FAT3: variants seen among roughly 807,000 people sequenced by gnomAD.
FAT3 encodes protocadherin Fat 3.
FAT3 carries 95 observed loss-of-function variants against 310.2 expected under a neutral mutation model. The observed-to-expected ratio is 0.31, with a 90% CI of 0.26 to 0.36. The LOEUF is 0.36. FAT3 is among the 10% of genes least tolerant of loss of function. FAT3 has a pLI of 1.00. For missense variants in FAT3, 5,408 were observed against 5,715.6 expected (o/e 0.95, Z 1.74); for synonymous variants, 2,314 against 2,192.9 (o/e 1.06, Z -1.54).
chr11:92,386,268 T>C (rs1949616120), intron 2 of FAT3, among the ~76,000 whole-genome samples: 1 of 152,248 alleles, frequency 6.6e-6, no homozygotes, highest in Admixed American at 6.5e-5. Flanking sequence ...TCTGTCACTG[T>C]TCAGCTATGG....
At position 92,486,130 on chromosome 11, in the gene FAT3, G is replaced by GTTTTTTTTTTTTTTTTT. The variant is rs71064714; in HGVS notation, c.3293-38492_3293-38476dup. The stretch of plus-strand genomic sequence containing the variant: ...GTGAAATAGAGGAGAGGCTGCTGGG[G>GTTTTTTTTTTTTTTTTT]TTTTTTTTTTTTTTTTTTTTTTTTT... On this transcript the variant is annotated intron_variant, in intron 2 of 27. Coordinates refer to ENST00000525166, the MANE Select transcript of FAT3 (RefSeq NM_001367949.2). Among the ~76,000 whole-genome samples the GTTTTTTTTTTTTTTTTT allele has an allele frequency of 2.0e-3, 74 of 37,136 alleles. 6 individuals carry two copies. Among genetic ancestry groups the GTTTTTTTTTTTTTTTTT allele is most frequent in the South Asian group, 4.8e-3 (2 of 418 alleles). 24.4% of individuals were successfully genotyped at this position (37,136 alleles called of 152,430 possible). A position where few individuals can be genotyped will look rare whatever the true frequency, so the allele number is the denominator to read the frequency against.
rs1176909733 is a variant in FAT3, at chr11:92,352,163, C to T, written c.51C>T (p.Cys17=). 7.3e-7 allele frequency: 1 copy of T among 1,369,304 alleles called. No individual in the cohort carries two copies. Among genetic ancestry groups the T allele is most frequent in the African/African-American group, 1.5e-5 (1 of 67,966 alleles). The allele number at this position is 1,369,304 out of a possible 1,614,324, so 84.8% of individuals were successfully genotyped here. ...TGGGCACACGGCCTCCTGCTTGTTGCCTCATCCTCCTGCTTTTCAAGCTTT... is the reference window on the plus strand; with the variant it reads ...TGGGCACACGGCCTCCTGCTTGTTGTCTCATCCTCCTGCTTTTCAAGCTTT... ...HCVGTRPPAC[C]LILLLFKLLA... is the part of the protein sequence containing the mutation. The change falls in exon 2 of 28, where the codon TGC becomes TGT. Residue 17 remains cysteine (C), a synonymous_variant. Coordinates refer to ENST00000525166, the MANE Select transcript of FAT3 (RefSeq NM_001367949.2).
At chr11:92,254,498 T>C (rs573769585) in intron 1 of FAT3, among the ~76,000 whole-genome samples, 472 of 152,240 alleles carry the variant, frequency 3.1e-3, no homozygotes, top group African/African-American at 0.011. Context: ...ACTGAACATT[T>C]GAGAAAATTA....
chr11:92,446,673 C>A (rs1192239180), intron 2 of FAT3, among the ~76,000 whole-genome samples: 2 of 152,080 alleles, frequency 1.3e-5, no homozygotes, highest in South Asian at 2.1e-4. Flanking sequence ...TAAGGAGATT[C>A]TGTAATACAT....
chr11:92,879,724 A>G (rs1949629033), intron 22 of FAT3, among the ~76,000 whole-genome samples: 1 of 151,662 alleles, frequency 6.6e-6, no homozygotes, highest in Non-Finnish European at 1.5e-5. Flanking sequence ...AAGGTTTGAA[A>G]TAAAAAAAAG....
chr11:92,797,297 T>G (rs1336743013), intron 9 of FAT3, among the ~76,000 whole-genome samples: 1 of 152,198 alleles, frequency 6.6e-6, no homozygotes, highest in Non-Finnish European at 1.5e-5. Flanking sequence ...TTTGATAGGG[T>G]GAAATAATAC....
At chr11:92,510,192 T>C (rs1953245230) in intron 2 of FAT3, among the ~76,000 whole-genome samples, 1 of 152,208 alleles carries the variant, frequency 6.6e-6, no homozygotes, top group Non-Finnish European at 1.5e-5. Flanking sequence ...TAGAATCCAG[T>C]GACCACACTT....
intron 12 of FAT3, among the ~76,000 whole-genome samples, chr11:92,807,856 T>C: frequency 6.6e-6 from 1 of 152,190 alleles, no homozygotes; most frequent in East Asian, 1.9e-4. Flanking sequence ...AGCAAATTAT[T>C]TTAGTTTTGT....
chr11:92,281,510 T>C (rs1400534556), intron 1 of FAT3, among the ~76,000 whole-genome samples: 2 of 152,192 alleles, frequency 1.3e-5, no homozygotes, highest in East Asian at 3.9e-4. Flanking sequence ...CCGCAGGGCC[T>C]GTGCTTAACT....
chr11:92,685,172 G>C (rs951305082), intron 3 of FAT3, among the ~76,000 whole-genome samples: 1 of 152,160 alleles, frequency 6.6e-6, no homozygotes, highest in Admixed American at 6.6e-5. Context: ...ACACATGACA[G>C]ATTCTTGTTT....
chr11:92,282,961 G>A lies in FAT3; in HGVS notation c.-18+57787G>A, dbSNP rs1298170708. On this transcript the variant is annotated intron_variant, in intron 1 of 27. Transcript: ENST00000525166. ...TGTGATCCTGTTTTTATTTTATTTT[G>A]CTCTATAGTAATCATCACCAACAGA... Among the ~76,000 whole-genome samples the A allele has an allele frequency of 3.3e-5, 5 of 151,872 alleles. No homozygotes were observed. In the East Asian group the frequency reaches 9.7e-4, roughly 30 times the overall value.
chr11:92,795,778 C>T (rs112076844), intron 9 of FAT3, among the ~76,000 whole-genome samples: 5,147 of 152,056 alleles, frequency 0.034, 226 homozygotes, highest in East Asian at 0.21. Flanking sequence ...TGTAGTGGTG[C>T]CTGCCTGCAG....
chr11:92,243,790 C>T (rs889405436), intron 1 of FAT3, among the ~76,000 whole-genome samples: 1 of 151,966 alleles, frequency 6.6e-6, no homozygotes, highest in East Asian at 1.9e-4. Context: ...AGTTTTAGAT[C>T]CAGATTCCAA....
At chr11:92,672,033 C>T (rs972314352) in intron 3 of FAT3, among the ~76,000 whole-genome samples, 2 of 152,096 alleles carry the variant, frequency 1.3e-5, no homozygotes, top group Non-Finnish European at 2.9e-5. Flanking sequence ...GCAGGAGAAT[C>T]GCTTGAACCT....
At chr11:92,443,004 G>A (rs539891429) in intron 2 of FAT3, among the ~76,000 whole-genome samples, 8 of 152,246 alleles carry the variant, frequency 5.3e-5, no homozygotes, top group Non-Finnish European at 1.0e-4. Flanking sequence ...GCAAACACAA[G>A]GGGTGGTTAA....
Position 92,478,972 on chromosome 11 carries a change from C to CTTTTA in FAT3, c.3293-45658_3293-45657insATTTT, listed in dbSNP as rs377677951. The stretch of plus-strand genomic sequence containing the variant: ...TCTTTCTTTTCTTTTCTTTTCTTTT[C>CTTTTA]TTTTCTTTTCTTTTCTTTTCTTTGT... On this transcript the variant is annotated intron_variant, in intron 2 of 27. Coordinates refer to ENST00000525166, the MANE Select transcript of FAT3 (RefSeq NM_001367949.2). Among the ~76,000 whole-genome samples the CTTTTA allele has an allele frequency of 2.1e-5, 3 of 143,860 alleles. No individual in the cohort carries two copies. In the East Asian group the frequency reaches 6.2e-4, roughly 30 times the overall value. The allele number at this position is 143,860 out of a possible 152,430, so 94.4% of individuals were successfully genotyped here.
At position 92,242,468 on chromosome 11, in the gene FAT3, G is replaced by T. The variant is rs1400607908; in HGVS notation, c.-18+17294G>T. The stretch of plus-strand genomic sequence containing the variant: ...AAAGCTTAGAACCACCTTTTTTTTG[G>T]TAGGATCTTTCATCTCCTATGCTGT... On this transcript the variant is annotated intron_variant, in intron 1 of 27. Coordinates refer to ENST00000525166, the MANE Select transcript of FAT3 (RefSeq NM_001367949.2). Among the ~76,000 whole-genome samples, 3 of 151,674 alleles carry T rather than the reference G, an allele frequency of 2.0e-5. No homozygotes were observed. In the East Asian group the frequency reaches 5.8e-4, roughly 29 times the overall value.
Position 92,353,161 on chromosome 11 carries a change from A to C in FAT3, c.1049A>C (p.Lys350Thr), listed in dbSNP as rs1459157322. 6.2e-7 allele frequency: 1 copy of C among 1,613,690 alleles called. No homozygotes were observed. The highest frequency in any genetic ancestry group is 1.3e-5 in the African/African-American group (1 of 75,024). The change falls in exon 2 of 28, where the codon AAG becomes ACG. Residue 350 changes from lysine to threonine, a missense_variant. Coordinates refer to ENST00000525166, the MANE Select transcript of FAT3 (RefSeq NM_001367949.2). ...AATCTCACTCTTCAAGCAAAAGACAAGGGATCTCCTCAAAAATGTTCAGCA... is the reference window on the plus strand; with the variant it reads ...AATCTCACTCTTCAAGCAAAAGACACGGGATCTCCTCAAAAATGTTCAGCA... ...GYNLTLQAKD[K>T]GSPQKCSALK...
Position 92,609,278 on chromosome 11 carries a change from A to G in FAT3, c.3607+84330A>G, listed in dbSNP as rs554172929. Among the ~76,000 whole-genome samples the G allele has an allele frequency of 1.9e-3, 287 of 152,298 alleles. 1 individual carries two copies. Among genetic ancestry groups the G allele is most frequent in the African/African-American group, 6.7e-3 (278 of 41,570 alleles). ...AACTTTTAAGTCATTCCTTGATAAC[A>G]GCAAAGTGCTTACAGAGGCTCAAAA... On this transcript the variant is annotated intron_variant, in intron 3 of 27. Transcript: ENST00000525166.
Sources: allele counts gnomAD v4.1 joint callset (sites outside exome capture counted in the v4.1 genomes callset), GRCh38; gene constraint gnomAD v4.1.1; transcripts MANE v1.5; gene names NCBI Gene and HGNC (gene_info 2026-07-23, HGNC 2026-07-21).